The following ZNF385A variants were observed in gnomAD, a reference collection of about 807,000 sequenced individuals.
ZNF385A encodes hematopoietic zinc finger protein.
In ZNF385A, 14 loss-of-function variants were observed where a neutral mutation model predicts 32.1. That is an observed-to-expected ratio of 0.44 (90% CI 0.29 to 0.68). ZNF385A has a LOEUF of 0.68. Ranked by LOEUF, ZNF385A falls within the 30% of genes least tolerant of loss-of-function variation. ZNF385A has a pLI of 0.14. For synonymous variants in ZNF385A, 197 were observed against 202.7 expected, an observed-to-expected ratio of 0.97 and a Z score of 0.24; for missense variants, 406 against 478.4, an observed-to-expected ratio of 0.85 and a Z score of 1.41.
Position 54,371,599 on chromosome 12 carries a change from T to TC in ZNF385A, c.477dup (p.Thr160AspfsTer11). Reference sequence around the variant, plus strand: ...CCAGGCAAGGAAGCCGGGGCTGGAGTCCCCCCTTCACCCTTGGTTACACCC... The same window carrying TC: ...CCAGGCAAGGAAGCCGGGGCTGGAGTCCCCCCCTTCACCCTTGGTTACACCC... On this transcript the variant is annotated frameshift_variant, in exon 4 of 7. Transcript: ENST00000394313. LOFTEE classifies it high-confidence loss of function. 2 of 1,612,704 alleles carry TC rather than the reference T, an allele frequency of 1.2e-6. No homozygotes were observed. Among genetic ancestry groups the TC allele is most frequent in the Non-Finnish European group, 1.7e-6 (2 of 1,179,512 alleles).
intron 3 of ZNF385A, among the ~76,000 whole-genome samples, 189 bp downstream of exon 3, chr12:54,373,784 T>C (rs1401881522): frequency 6.6e-6 from 1 of 150,600 alleles, no homozygotes; most frequent in Non-Finnish European, 1.5e-5. Flanking sequence ...AGAGGAGCTG[T>C]GGTGGGGGTA....
chr12:54,384,024 G>C (rs558220322), intron 1 of ZNF385A, among the ~76,000 whole-genome samples: 18 of 152,324 alleles, frequency 1.2e-4, no homozygotes, highest in African/African-American at 3.6e-4. Flanking sequence ...GGACTGCAGA[G>C]AGGTGAAACT....
intron 1 of ZNF385A, among the ~76,000 whole-genome samples, chr12:54,382,356 G>A (rs890262612): frequency 6.6e-6 from 1 of 151,940 alleles, no homozygotes; most frequent in South Asian, 2.1e-4. Context: ...TTACAAGCGT[G>A]AGCCACCACG....
At chr12:54,387,218 C>T (rs959977919), upstream of ZNF385A, among the ~76,000 whole-genome samples, 30 of 152,212 alleles carry the variant, frequency 2.0e-4, no homozygotes, top group African/African-American at 6.8e-4. Flanking sequence ...AGGTAGCAGC[C>T]ACTCAGTTAT....
Position 54,370,803 on chromosome 12 carries a change from GC to G in ZNF385A, c.775-83del. 1 of 1,591,768 alleles carries G rather than the reference GC, an allele frequency of 6.3e-7. No individual in the cohort carries two copies. Among genetic ancestry groups the G allele is most frequent in the African/African-American group, 1.3e-5 (1 of 74,686 alleles). On this transcript the variant is annotated intron_variant, in intron 5 of 6. Coordinates refer to ENST00000394313, the MANE Select transcript of ZNF385A (RefSeq NM_015481.3). The surrounding 1 kb of genome is among the most constrained non-coding windows in gnomAD (Gnocchi z 5.5). The stretch of plus-strand genomic sequence containing the variant: ...GAGTATAATCAAGCTCCAAGCACCG[GC>G]CCCCTCCCATCTGGCCCCCTGGGGA...
At chr12:54,386,441 G>A (rs1420022844), upstream of ZNF385A, among the ~76,000 whole-genome samples, 3 of 152,120 alleles carry the variant, frequency 2.0e-5, no homozygotes, top group Admixed American at 2.0e-4. Flanking sequence ...CAGCGAGAAA[G>A]ATAAAAGAGA....
chr12:54,391,135 C>G (rs1955629646), intron 1 of ZNF385A: 3 of 1,298,022 alleles, frequency 2.3e-6, no homozygotes, highest in Non-Finnish European at 3.1e-6. Flanking sequence ...GACGGGCGGC[C>G]GCAGTCACCG....
At chr12:54,381,607 G>C (rs554094860) in intron 1 of ZNF385A, among the ~76,000 whole-genome samples, 27 of 152,302 alleles carry the variant, frequency 1.8e-4, no homozygotes, top group Non-Finnish European at 2.8e-4. Context: ...TGTTTAGATG[G>C]GGGGAGGTTT....
intron 1 of ZNF385A, among the ~76,000 whole-genome samples, chr12:54,383,786 T>C (rs569744720): frequency 1.3e-5 from 2 of 152,264 alleles, no homozygotes; most frequent in South Asian, 4.2e-4. Flanking sequence ...TCCCAGCTAC[T>C]TGGGAGGCCG....
At chr12:54,381,765 A>G (rs1304968871) in intron 1 of ZNF385A, among the ~76,000 whole-genome samples, 1 of 152,182 alleles carries the variant, frequency 6.6e-6, no homozygotes, top group Non-Finnish European at 1.5e-5. Context: ...AGCCCAAATT[A>G]TATGTCACCT....
chr12:54,384,983 A>T (rs1465333222), upstream of ZNF385A: 1 of 888,204 alleles, frequency 1.1e-6, no homozygotes, highest in East Asian at 1.1e-4. Context: ...GGAAGAAGAG[A>T]GTCAAGTGGG....
upstream of ZNF385A, chr12:54,385,784 G>A (rs1955453766): frequency 5.2e-6 from 2 of 382,198 alleles, no homozygotes; most frequent in Non-Finnish European, 7.2e-6. Context: ...CCCCTCCCTT[G>A]CCAGCCCCCT....
At position 54,370,408 on chromosome 12, in the gene ZNF385A, C is replaced by A; in HGVS notation, c.949G>T (p.Val317Leu). 1.3e-6 allele frequency: 2 copies of A among 1,542,664 alleles called. No individual in the cohort carries two copies. The highest frequency in any genetic ancestry group is 8.8e-7 in the Non-Finnish European group (1 of 1,142,318). The change falls in exon 7 of 7, where the codon GTG becomes TTG. Residue 317 changes from valine (V) to leucine (L), a missense_variant. By Grantham distance (32) the Val-to-Leu change is conservative (BLOSUM62 1). Transcript: ENST00000394313. This position sits in a 1 kb window ranked among gnomAD's most constrained non-coding sequence, Gnocchi z 5.5. ...LLPSPLAVAA[V>L]MAAAAGSPLS... ...GGCGAGCCTGCTGCCGCTGCCATCA[C>A]TGCAGCCACCGCCAGGGGGCTGGGG...
intron 1 of ZNF385A, among the ~76,000 whole-genome samples, chr12:54,382,448 C>T (rs969112771): frequency 2.0e-5 from 3 of 152,210 alleles, no homozygotes; most frequent in Admixed American, 6.5e-5. Flanking sequence ...TGTGGTATAA[C>T]GATAAGTCTG....
In ZNF385A at chr12:54,375,931, C is replaced by A; in HGVS notation, c.111G>T (p.Val37=). ...YSTMDPVQKA[V]LSHTFGGPLL... ...AGGGTCCCCCAAAAGTGTGGGAGAG[C>A]ACAGCCTTCTGCACAGGGTCCATCT... The change falls in exon 2 of 7, where the codon GTG becomes GTT. Residue 37 remains valine (V), a synonymous_variant. Coordinates refer to ENST00000394313, the MANE Select transcript of ZNF385A (RefSeq NM_015481.3). 6.2e-7 allele frequency: 1 copy of A among 1,614,134 alleles called. No individual in the cohort carries two copies. Among genetic ancestry groups the A allele is most frequent in the Non-Finnish European group, 8.5e-7 (1 of 1,180,024 alleles).
At chr12:54,382,250 T>C (rs1057290168) in intron 1 of ZNF385A, among the ~76,000 whole-genome samples, 1 of 151,568 alleles carries the variant, frequency 6.6e-6, no homozygotes, top group African/African-American at 2.4e-5. Flanking sequence ...TGTTGTTTTT[T>C]TTTTTAGTAG....
intron 2 of ZNF385A, 146 bp from the exon 3 acceptor site, chr12:54,374,281 A>G: frequency 2.8e-6 from 2 of 723,940 alleles, no homozygotes; most frequent in Non-Finnish European, 2.0e-6. Flanking sequence ...CCCCATACCA[A>G]TAAGTCCTGG....
At position 54,374,041 on chromosome 12, in the gene ZNF385A, C is replaced by A; in HGVS notation, c.293G>T (p.Arg98Leu). 1 of 1,601,092 alleles carries A rather than the reference C, an allele frequency of 6.2e-7. No individual in the cohort carries two copies. Among genetic ancestry groups the A allele is most frequent in the Non-Finnish European group, 8.5e-7 (1 of 1,171,414 alleles). ...TGGGGGAGCTGGGTCTCCAGGTTCT[C>A]GGACGCCAGGCTCCCTGCCTCTGGT... Reference protein sequence around the residue: ...AKTRGREPGVREPGDPAPPGS... With the variant: ...AKTRGREPGVLEPGDPAPPGS... The change falls in exon 3 of 7, where the codon CGA becomes CTA. Residue 98 changes from arginine (R) to leucine (L), a missense_variant. Physicochemically the swap from Arg to Leu is moderately radical, Grantham distance 102 (BLOSUM62 -2). Transcript: ENST00000394313.
chr12:54,376,002 TCCA>T (rs765315823), intron 1 of ZNF385A, 48 bp from the exon 2 acceptor site: 1 of 1,462,616 alleles, frequency 6.8e-7, no homozygotes, highest in African/African-American at 1.4e-5. Flanking sequence ...GCAACTCATG[TCCA>T]GCATTCCCCC....
Sources: allele counts gnomAD v4.1 joint callset (sites outside exome capture counted in the v4.1 genomes callset), GRCh38; gene constraint gnomAD v4.1.1; non-coding constraint Gnocchi (gnomAD v3.1); transcripts MANE v1.5; gene names NCBI Gene and HGNC (gene_info 2026-07-23, HGNC 2026-07-21).